ERG: variants seen among roughly 807,000 people sequenced by gnomAD.
ERG encodes transcriptional regulator ERG.
A neutral mutation model predicts 55.3 loss-of-function variants in ERG; 9 were observed. The observed-to-expected ratio is 0.16, with a 90% CI of 0.10 to 0.28. ERG has a LOEUF of 0.28. Ranked by LOEUF, ERG falls within the 10% of genes least tolerant of loss-of-function variation. The pLI, the probability that ERG is intolerant of heterozygous loss-of-function variation, is 1.00. For synonymous variants in ERG, 223 were observed against 237.3 expected, an observed-to-expected ratio of 0.94 and a Z score of 0.55; for missense variants, 434 against 631.6, an observed-to-expected ratio of 0.69 and a Z score of 3.35.
the ERG span, among the ~76,000 whole-genome samples, chr21:38,369,844 C>T: frequency 2.0e-5 from 3 of 152,086 alleles, no homozygotes; most frequent in Non-Finnish European, 4.4e-5. Context: ...TATGACTTAC[C>T]ACTTATCCTA....
chr21:38,437,931 T>G (rs1328165087), intron 2 of ERG, among the ~76,000 whole-genome samples: 2 of 152,160 alleles, frequency 1.3e-5, no homozygotes, highest in African/African-American at 2.4e-5. Context: ...CTCCTTTGCC[T>G]CAAGTCCCCT....
intron 1 of ERG, among the ~76,000 whole-genome samples, chr21:38,580,148 G>A (rs1288323307): frequency 2.6e-5 from 4 of 151,704 alleles, no homozygotes; most frequent in African/African-American, 9.7e-5. Flanking sequence ...TAGAGACGGG[G>A]TTTCACCGTG....
At chr21:38,457,543 T>C (rs1033413838) in intron 1 of ERG, among the ~76,000 whole-genome samples, 8 of 152,206 alleles carry the variant, frequency 5.3e-5, no homozygotes, top group African/African-American at 1.9e-4. Context: ...TCTTGACGTG[T>C]ACACAGAGTC....
chr21:38,399,688 GC>G (rs1408338011), intron 6 of ERG, among the ~76,000 whole-genome samples: 2 of 152,172 alleles, frequency 1.3e-5, no homozygotes, highest in African/African-American at 4.8e-5. Context: ...TTGCCATGTG[GC>G]CATTCCTCTG....
chr21:38,412,804 T>A (rs183095978), intron 3 of ERG, among the ~76,000 whole-genome samples: 2 of 152,308 alleles, frequency 1.3e-5, no homozygotes, highest in East Asian at 3.9e-4. Flanking sequence ...TTGGGGGAGA[T>A]CTCTCTTCAG....
chr21:38,402,663 T>C, intron 4 of ERG, 26 bp from the exon 5 acceptor site: 1 of 981,310 alleles, frequency 1.0e-6, no homozygotes, highest in Non-Finnish European at 1.3e-6. Context: ...AAAAGCGACA[T>C]CAAAATGAAA....
chr21:38,585,532 C>CTTTTTTTGTTTTTTTTTT (rs2060057810), upstream of ERG, among the ~76,000 whole-genome samples: 1 of 59,270 alleles, frequency 1.7e-5, no homozygotes. Context: ...TCTCTCTCTT[C>CTTTTTTTGTTTTTTTTTT]TTTTTTTTTT....
At chr21:38,557,616 C>T (rs117236694) in intron 2 of ERG, among the ~76,000 whole-genome samples, 95 of 151,756 alleles carry the variant, frequency 6.3e-4, no homozygotes, top group Non-Finnish European at 1.0e-3. Context: ...ACAATTTAGA[C>T]GTCTTGGCAT....
At chr21:38,510,169 T>G (rs2059500411) in intron 2 of ERG, among the ~76,000 whole-genome samples, 2 of 152,220 alleles carry the variant, frequency 1.3e-5, no homozygotes, top group Admixed American at 1.3e-4. Context: ...CTAAAAAGCT[T>G]CTTTAAAGAA....
At chr21:38,532,601 G>A (rs1052372666) in intron 2 of ERG, among the ~76,000 whole-genome samples, 1 of 152,170 alleles carries the variant, frequency 6.6e-6, no homozygotes, top group Non-Finnish European at 1.5e-5. Context: ...ACAGCCAAAA[G>A]CTAAGATTTC....
At chr21:38,416,819 T>C (rs1181708839) in intron 3 of ERG, among the ~76,000 whole-genome samples, 2 of 152,200 alleles carry the variant, frequency 1.3e-5, no homozygotes, top group Non-Finnish European at 2.9e-5. Flanking sequence ...TCTGGAAGAA[T>C]GAGCAAGAGC....
Position 38,381,299 on chromosome 21 carries a change from C to A in ERG, c.*2104G>T. ...GTTTCGGCTAGCGCCTTCGCACGGT[C>A]ACCTTGTATTTTCACCTTTTGAGTT... On this transcript the variant is annotated 3_prime_UTR_variant, in exon 10 of 10. Coordinates refer to ENST00000288319, the MANE Select transcript of ERG (RefSeq NM_182918.4). 9.4e-7 allele frequency: 1 copy of A among 1,065,104 alleles called. No individual in the cohort carries two copies. The highest frequency in any genetic ancestry group is 4.5e-5 in the South Asian group (1 of 21,984). The allele number at this position is 1,065,104 out of a possible 1,614,324, so 66.0% of individuals were successfully genotyped here.
At chr21:38,378,804 T>C (rs1177145906), downstream of ERG, among the ~76,000 whole-genome samples, 1 of 152,244 alleles carries the variant, frequency 6.6e-6, no homozygotes, top group African/African-American at 2.4e-5. Context: ...TTTCTGTCCA[T>C]ATGAGGCAAA....
chr21:38,522,125 G>A (rs1035848265), intron 2 of ERG, among the ~76,000 whole-genome samples: 7 of 151,956 alleles, frequency 4.6e-5, no homozygotes, highest in Admixed American at 6.6e-5. Flanking sequence ...ATAATTTTTC[G>A]TAAGTGGTCC....
intron 2 of ERG, among the ~76,000 whole-genome samples, chr21:38,435,351 G>A (rs527772440): frequency 5.3e-5 from 8 of 152,254 alleles, no homozygotes; most frequent in African/African-American, 1.9e-4. Context: ...AGCGCTGCAG[G>A]GTAATTTGTG....
intron 1 of ERG, among the ~76,000 whole-genome samples, chr21:38,494,316 G>A (rs530867892): frequency 1.9e-4 from 29 of 152,316 alleles, no homozygotes; most frequent in Non-Finnish European, 3.8e-4. Flanking sequence ...GGAACAGCCT[G>A]GAGACTGTCC....
chr21:38,650,160 C>G (rs2060480222), intron 1 of ERG, among the ~76,000 whole-genome samples: 1 of 152,150 alleles, frequency 6.6e-6, no homozygotes, highest in African/African-American at 2.4e-5. Flanking sequence ...GTGAAATTCC[C>G]TTATTATGCA....
chr21:38,447,469 C>T (rs2058902642), intron 1 of ERG, among the ~76,000 whole-genome samples: 1 of 149,552 alleles, frequency 6.7e-6, no homozygotes, highest in African/African-American at 2.5e-5. Flanking sequence ...CAAAATCAAA[C>T]TCATCAACAA....
intron 3 of ERG, among the ~76,000 whole-genome samples, chr21:38,406,154 C>CAAAA (rs56711562): frequency 3.9e-4 from 37 of 95,016 alleles, no homozygotes; most frequent in African/African-American, 1.2e-3. Flanking sequence ...GACTCCATCT[C>CAAAA]AAAAAAAAAA....
Sources: gnomAD v4.1 joint callset for allele counts (sites outside exome capture counted in the v4.1 genomes callset) on GRCh38, gnomAD v4.1.1 for gene constraint, MANE v1.5 for transcripts, NCBI Gene and HGNC (gene_info 2026-07-23, HGNC 2026-07-21) for gene names.